Variants in SLIT3 observed in about 807,000 individuals in gnomAD.
SLIT3 encodes slit guidance ligand 3.
In SLIT3, 68 loss-of-function variants were observed where a neutral mutation model predicts 184.0. That is an observed-to-expected ratio of 0.37 (90% CI 0.30 to 0.45). The LOEUF (loss-of-function observed/expected upper bound fraction) is 0.45. Among genes scored for constraint, SLIT3 ranks in the 20% least tolerant of loss-of-function variants. The pLI, the probability that SLIT3 is intolerant of heterozygous loss-of-function variation, is 1.00. For missense variants in SLIT3, 1,707 were observed against 2,026.0 expected (o/e 0.84, Z 3.02); for synonymous variants, 831 against 828.6 (o/e 1.00, Z -0.05).
chr5:168,696,937 G>A (rs1762082486), intron 27 of SLIT3, among the ~76,000 whole-genome samples: 1 of 152,164 alleles, frequency 6.6e-6, no homozygotes, highest in African/African-American at 2.4e-5. Flanking sequence ...CAAGGTCCCA[G>A]ACTCTGTACC....
intron 4 of SLIT3, among the ~76,000 whole-genome samples, chr5:168,971,177 G>C (rs1754563781): frequency 6.6e-6 from 1 of 152,230 alleles, no homozygotes; most frequent in African/African-American, 2.4e-5. Flanking sequence ...CATATTTCAA[G>C]TGTGCACCAT....
chr5:168,854,177 C>A (rs1357483948), intron 5 of SLIT3, among the ~76,000 whole-genome samples: 1 of 152,168 alleles, frequency 6.6e-6, no homozygotes, highest in Non-Finnish European at 1.5e-5. Context: ...CTTTCTCTGA[C>A]TTTCAAAATA....
At chr5:168,872,610 G>C (rs4867642) in intron 5 of SLIT3, among the ~76,000 whole-genome samples, 3 of 143,798 alleles carry the variant, frequency 2.1e-5, no homozygotes, top group Non-Finnish European at 3.0e-5. Flanking sequence ...TTTAAAGTTC[G>C]TACTTTCTTC....
chr5:168,988,435 G>T (rs1243194485), intron 4 of SLIT3, among the ~76,000 whole-genome samples: 1 of 152,136 alleles, frequency 6.6e-6, no homozygotes, highest in East Asian at 1.9e-4. Context: ...TCTTGCCCAG[G>T]TCACATGGCT....
intron 12 of SLIT3, among the ~76,000 whole-genome samples, chr5:168,777,083 ACACACACACACACACACACACACC>A (rs1755781052): frequency 1.7e-5 from 1 of 58,618 alleles, no homozygotes. Flanking sequence ...ACACACACAC[ACACACACACACACACACACACACC>A]CCCCATACCA....
intron 10 of SLIT3, among the ~76,000 whole-genome samples, chr5:168,793,736 A>T (rs1288973458): frequency 6.6e-6 from 1 of 151,798 alleles, no homozygotes; most frequent in East Asian, 1.9e-4. Flanking sequence ...CAGTGACTGA[A>T]CTTGTCATTT....
In SLIT3 at chr5:169,088,977, GC is replaced by G. The variant is rs1322735417; in HGVS notation, c.413+104501del. Among the ~76,000 whole-genome samples, 3 of 119,722 alleles carry G rather than the reference GC, an allele frequency of 2.5e-5. No individual in the cohort carries two copies. In the East Asian group the frequency reaches 8.6e-4, roughly 34 times the overall value. The allele number at this position is 119,722 out of a possible 152,430, so 78.5% of individuals were successfully genotyped here. A position where few individuals can be genotyped will look rare whatever the true frequency, so the allele number is the denominator to read the frequency against. On this transcript the variant is annotated intron_variant, in intron 4 of 35. Coordinates refer to ENST00000519560, the MANE Select transcript of SLIT3 (RefSeq NM_003062.4). ...AGAGGTTGCAGTGAGCCAAGATCAT[GC>G]CACTGAACTCCAGCCTGGGAGACAG... is the stretch of plus-strand genomic sequence containing the variant.
chr5:169,174,123 A>T (rs1370032372), intron 4 of SLIT3, among the ~76,000 whole-genome samples: 1 of 152,206 alleles, frequency 6.6e-6, no homozygotes, highest in Non-Finnish European at 1.5e-5. Context: ...CAAGATGCAG[A>T]GGTGAGATGT....
intron 3 of SLIT3, among the ~76,000 whole-genome samples, chr5:169,200,635 T>C (rs541732379): frequency 1.2e-4 from 19 of 152,286 alleles, no homozygotes; most frequent in Non-Finnish European, 2.2e-4. Context: ...ACTATGAAGA[T>C]GTACAGATGT....
intron 4 of SLIT3, among the ~76,000 whole-genome samples, chr5:168,991,255 T>C (rs57027162): frequency 0.04 from 6,032 of 152,328 alleles, 161 homozygotes; most frequent in Non-Finnish European, 0.057. Context: ...TCCAAAAACC[T>C]TATCAAGCAA....
At chr5:169,131,839 A>G (rs1427004009) in intron 4 of SLIT3, among the ~76,000 whole-genome samples, 5 of 152,372 alleles carry the variant, frequency 3.3e-5, no homozygotes, top group Non-Finnish European at 4.4e-5. Context: ...ATGTGAAGCA[A>G]TACTGGCCTT....
intron 4 of SLIT3, among the ~76,000 whole-genome samples, chr5:169,128,836 T>C (rs1250467511): frequency 6.6e-6 from 1 of 152,168 alleles, no homozygotes; most frequent in Non-Finnish European, 1.5e-5. Context: ...AATTACTAAG[T>C]TCTCTCTGGT....
intron 4 of SLIT3, among the ~76,000 whole-genome samples, chr5:169,139,962 C>G (rs1304427252): frequency 6.6e-6 from 1 of 152,158 alleles, no homozygotes; most frequent in Non-Finnish European, 1.5e-5. Context: ...GCTAACATGC[C>G]TCAGTAGGGA....
chr5:168,986,653 C>T (rs1193592234), intron 4 of SLIT3, among the ~76,000 whole-genome samples: 4 of 152,120 alleles, frequency 2.6e-5, no homozygotes, highest in African/African-American at 4.8e-5. Flanking sequence ...GAGTTTTCTC[C>T]ACCACAAGCA....
intron 1 of SLIT3, among the ~76,000 whole-genome samples, chr5:169,273,244 G>A (rs1766690418): frequency 6.6e-6 from 1 of 152,196 alleles, no homozygotes; most frequent in African/African-American, 2.4e-5. Flanking sequence ...ACAGGAGAGG[G>A]AGGCAGGCAC....
At chr5:169,090,731 G>A (rs1420855377) in intron 4 of SLIT3, among the ~76,000 whole-genome samples, 1 of 152,238 alleles carries the variant, frequency 6.6e-6, no homozygotes, top group Non-Finnish European at 1.5e-5. Context: ...GTGAAGACAA[G>A]ACAGAGGCCG....
intron 5 of SLIT3, among the ~76,000 whole-genome samples, chr5:168,868,914 C>T (rs570697889): frequency 6.4e-4 from 97 of 152,234 alleles, no homozygotes; most frequent in African/African-American, 2.3e-3. Context: ...GAAAATCTCA[C>T]CTATTCTATT....
chr5:168,666,686 T>TTCTC lies in SLIT3; in HGVS notation c.4337-1_4339dup (p.Asn1447ArgfsTer105). The TTCTC allele has an allele frequency of 6.2e-7, 1 of 1,614,100 alleles. No individual in the cohort carries two copies. Among genetic ancestry groups the TTCTC allele is most frequent in the Non-Finnish European group, 8.5e-7 (1 of 1,180,032 alleles). ...TCGGACTACTTGTCCCAGGCACGGA[T>TTCTC]TCTCTGCAGAGGGCATAGAAGTCAG... is the stretch of plus-strand genomic sequence containing the variant. On this transcript the variant is annotated frameshift_variant, in exon 36 of 36. Transcript: ENST00000519560. LOFTEE classifies it high-confidence loss of function.
intron 4 of SLIT3, among the ~76,000 whole-genome samples, chr5:169,037,281 T>G (rs1329136197): frequency 6.6e-6 from 1 of 152,238 alleles, no homozygotes; most frequent in Non-Finnish European, 1.5e-5. Flanking sequence ...TGAGAACACT[T>G]GGCAGCTTGG....
Sources: gnomAD v4.1 joint callset for allele counts (sites outside exome capture counted in the v4.1 genomes callset) on GRCh38, gnomAD v4.1.1 for gene constraint, MANE v1.5 for transcripts, NCBI Gene and HGNC (gene_info 2026-07-23, HGNC 2026-07-21) for gene names.